Variants in PPP1R9A observed in about 807,000 individuals in gnomAD.
PPP1R9A encodes the protein protein phosphatase 1 regulatory subunit 9A.
A neutral mutation model predicts 141.9 loss-of-function variants in PPP1R9A; 59 were observed. The ratio of observed to expected loss-of-function variants is 0.42; its 90% CI spans 0.34 to 0.52. The LOEUF (loss-of-function observed/expected upper bound fraction) is 0.52. Among genes scored for constraint, PPP1R9A ranks in the 20% least tolerant of loss-of-function variants. The probability of loss-of-function intolerance (pLI) is 0.10; values close to 1 mark genes in which losing one functional copy is unlikely to be tolerated. For missense variants in PPP1R9A, 1,444 were observed against 1,611.9 expected, an observed-to-expected ratio of 0.90 and a Z score of 1.78; for synonymous variants, 500 against 569.7, an observed-to-expected ratio of 0.88 and a Z score of 1.74.
chr7:95,054,926 G>A (rs190474029), intron 2 of PPP1R9A, among the ~76,000 whole-genome samples: 23 of 152,208 alleles, frequency 1.5e-4, no homozygotes, highest in African/African-American at 5.5e-4. Flanking sequence ...AATGTTCTTT[G>A]AATAAATAAA....
chr7:95,081,471 T>A (rs1325379934), intron 2 of PPP1R9A, among the ~76,000 whole-genome samples: 1 of 152,126 alleles, frequency 6.6e-6, no homozygotes, highest in African/African-American at 2.4e-5. Context: ...ATAAGCACTA[T>A]AATGAAAAAT....
In PPP1R9A at chr7:95,269,468, C is replaced by G; in HGVS notation, c.3085C>G (p.His1029Asp). ...TCATGATGTGGAAGAATCTCCTTGC[C>G]ATCACCAAACCACCAACAAGAAAAT... is the stretch of plus-strand genomic sequence containing the variant. ...SDHDVEESPC[H>D]HQTTNKKILR... Residue 1029 changes from histidine (H) to aspartate (D), a missense_variant, in exon 14 of 20, where the codon CAT (histidine) becomes GAT (aspartate). Physicochemically the swap from His to Asp is moderately conservative, Grantham distance 81. This residue lies in a region of PPP1R9A where 459 missense variants were observed against 513.8 expected (regional missense o/e 0.89). Coordinates refer to ENST00000433360, the MANE Select transcript of PPP1R9A (RefSeq NM_001166160.2). 1.3e-6 allele frequency: 2 copies of G among 1,585,940 alleles called. No homozygotes were observed.
chr7:95,253,025 C>T lies in PPP1R9A; in HGVS notation c.2665+895C>T, dbSNP rs945734747. Reference sequence around the variant, plus strand: ...CATAAATAAATTACTTATGTTCTTACACACACAACATTCTTAGATTGCACG... The same window carrying T: ...CATAAATAAATTACTTATGTTCTTATACACACAACATTCTTAGATTGCACG... On this transcript the variant is annotated intron_variant, in intron 12 of 19. Coordinates refer to ENST00000433360, the MANE Select transcript of PPP1R9A (RefSeq NM_001166160.2). Among the ~76,000 whole-genome samples the T allele has an allele frequency of 2.0e-5, 3 of 152,182 alleles. No homozygotes were observed. In the South Asian group the frequency reaches 6.2e-4, roughly 31 times the overall value.
At chr7:95,080,263 G>A (rs1256145723) in intron 2 of PPP1R9A, among the ~76,000 whole-genome samples, 7 of 152,090 alleles carry the variant, frequency 4.6e-5, no homozygotes, top group Middle Eastern at 6.8e-3. Context: ...AAATCAATGT[G>A]CAAAAATCAC....
intron 5 of PPP1R9A, among the ~76,000 whole-genome samples, chr7:95,182,926 A>G (rs1319935685): frequency 6.6e-6 from 1 of 152,188 alleles, no homozygotes; most frequent in Non-Finnish European, 1.5e-5. Context: ...TACCTTTTTA[A>G]TGTTCATATA....
At chr7:95,217,621 G>A (rs1486738097) in intron 7 of PPP1R9A, among the ~76,000 whole-genome samples, 1 of 152,098 alleles carries the variant, frequency 6.6e-6, no homozygotes, top group African/African-American at 2.4e-5. Flanking sequence ...TGGTTGGTAG[G>A]CTCTTAATTA....
chr7:95,273,764 A>C (rs763377006), intron 14 of PPP1R9A, 135 bp from the exon 15 acceptor site: 1 of 847,106 alleles, frequency 1.2e-6, no homozygotes, highest in Non-Finnish European at 1.8e-6. Flanking sequence ...CCTAGGTCGT[A>C]TAAGAAGGCA....
At chr7:95,015,217 A>AATATATAT (rs139234228) in intron 2 of PPP1R9A, among the ~76,000 whole-genome samples, 54,293 of 149,210 alleles carry the variant, frequency 0.36, 10,351 homozygotes, top group Middle Eastern at 0.46. Flanking sequence ...TACACACACG[A>AATATATAT]ATATATATAT....
chr7:95,272,607 A>T (rs189924941), intron 14 of PPP1R9A, among the ~76,000 whole-genome samples: 8 of 152,346 alleles, frequency 5.3e-5, no homozygotes, highest in Admixed American at 5.2e-4. Flanking sequence ...TGAAAAGCTC[A>T]TTGCTAAAAA....
intron 8 of PPP1R9A, among the ~76,000 whole-genome samples, chr7:95,227,615 A>T (rs961140473): frequency 6.6e-6 from 1 of 152,182 alleles, no homozygotes; most frequent in Admixed American, 6.6e-5. Flanking sequence ...CTACAACAGC[A>T]AAGTTGAGTA....
At chr7:95,188,404 G>A (rs1185889561) in intron 5 of PPP1R9A, among the ~76,000 whole-genome samples, 2 of 152,100 alleles carry the variant, frequency 1.3e-5, no homozygotes, top group African/African-American at 4.8e-5. Flanking sequence ...CTTGAAGATA[G>A]CATATACTTG....
At chr7:94,989,589 T>A (rs1801253454) in intron 2 of PPP1R9A, among the ~76,000 whole-genome samples, 1 of 152,012 alleles carries the variant, frequency 6.6e-6, no homozygotes, top group Non-Finnish European at 1.5e-5. Context: ...GTCCATATTT[T>A]TTCATCTTGA....
intron 2 of PPP1R9A, among the ~76,000 whole-genome samples, chr7:95,025,678 G>A (rs988209320): frequency 6.6e-6 from 1 of 151,650 alleles, no homozygotes. Flanking sequence ...TTCCGACTTG[G>A]TTCCATTCCC....
chr7:95,017,436 A>G (rs1805254991), intron 2 of PPP1R9A, among the ~76,000 whole-genome samples: 2 of 152,156 alleles, frequency 1.3e-5, no homozygotes, highest in African/African-American at 4.8e-5. Context: ...TGGTGCATTC[A>G]TTTATCCTAA....
chr7:95,019,361 C>T (rs1003487022), intron 2 of PPP1R9A, among the ~76,000 whole-genome samples: 2 of 152,072 alleles, frequency 1.3e-5, no homozygotes, highest in African/African-American at 4.8e-5. Flanking sequence ...CCAGCCTGGG[C>T]GATAGAGCGA....
At chr7:95,246,497 G>A (rs1025419490) in intron 8 of PPP1R9A, among the ~76,000 whole-genome samples, 1 of 152,082 alleles carries the variant, frequency 6.6e-6, no homozygotes, top group African/African-American at 2.4e-5. Flanking sequence ...CATGTACCTC[G>A]CTTAGTGGGA....
chr7:95,255,603 T>C (rs1799471396), intron 12 of PPP1R9A, among the ~76,000 whole-genome samples: 1 of 152,172 alleles, frequency 6.6e-6, no homozygotes, highest in Non-Finnish European at 1.5e-5. Flanking sequence ...GTCCTGCCGA[T>C]TATACTGCAA....
intron 2 of PPP1R9A, among the ~76,000 whole-genome samples, chr7:95,041,442 T>C (rs1809223937): frequency 6.6e-6 from 1 of 152,208 alleles, no homozygotes; most frequent in East Asian, 1.9e-4. Flanking sequence ...TCATTTGTTA[T>C]CATATTTCAT....
At chr7:95,243,795 C>G (rs865987523) in intron 8 of PPP1R9A, among the ~76,000 whole-genome samples, 2 of 151,968 alleles carry the variant, frequency 1.3e-5, no homozygotes. Flanking sequence ...CTGCCTCCCC[C>G]AGTCATTTGC....
Sources: allele counts gnomAD v4.1 joint callset (sites outside exome capture counted in the v4.1 genomes callset), GRCh38; gene constraint gnomAD v4.1.1; regional missense constraint gnomAD v4.1.1; transcripts MANE v1.5; gene names NCBI Gene and HGNC (gene_info 2026-07-23, HGNC 2026-07-21).